Variants in ZNF343 observed in about 807,000 individuals in gnomAD.
The protein encoded by ZNF343 is zinc finger protein 343.
A neutral mutation model predicts 13.8 loss-of-function variants in ZNF343; 11 were observed. The ratio of observed to expected loss-of-function variants is 0.80; its 90% CI spans 0.50 to 1.32. The LOEUF is 1.32. ZNF343 is among the 40% of genes most tolerant of loss of function. The probability of loss-of-function intolerance (pLI) is 0.00; values close to 1 mark genes in which losing one functional copy is unlikely to be tolerated. For synonymous variants in ZNF343, 248 were observed against 260.0 expected (o/e 0.95, Z 0.44); for missense variants, 658 against 714.2 (o/e 0.92, Z 0.90).
At chr20:2,505,635 C>G (rs2085643701) in intron 1 of ZNF343, among the ~76,000 whole-genome samples, 1 of 152,136 alleles carries the variant, frequency 6.6e-6, no homozygotes, top group African/African-American at 2.4e-5. Context: ...AGAAATAATG[C>G]CGCATATCTA....
chr20:2,519,495 T>C (rs1160483078), intron 1 of ZNF343, among the ~76,000 whole-genome samples: 2 of 152,228 alleles, frequency 1.3e-5, no homozygotes, highest in East Asian at 3.8e-4. Context: ...GCCTTTAGAC[T>C]GGAACTGCAC....
At chr20:2,507,338 G>C (rs972161512) in intron 1 of ZNF343, among the ~76,000 whole-genome samples, 2 of 151,104 alleles carry the variant, frequency 1.3e-5, no homozygotes, top group African/African-American at 4.9e-5. Context: ...TCAGAGAAGA[G>C]AATAATGTAA....
chr20:2,508,688 C>G lies in ZNF343; in HGVS notation c.-237+193G>C, dbSNP rs968547120. 1.3e-5 allele frequency: 2 copies of G among 152,416 alleles called. No individual in the cohort carries two copies. Among genetic ancestry groups the G allele is most frequent in the Non-Finnish European group, 1.5e-5 (1 of 68,218 alleles). 9.4% of individuals were successfully genotyped at this position (152,416 alleles called of 1,614,324 possible). Reference sequence around the variant, plus strand: ...CCGCGGAGGTCCGGGCAAGCAGGGGCTCACCCCATCGCCTCGCCCCAATGA... The same window carrying G: ...CCGCGGAGGTCCGGGCAAGCAGGGGGTCACCCCATCGCCTCGCCCCAATGA... On this transcript the variant is annotated intron_variant, in intron 1 of 5. Transcript: ENST00000278772. The surrounding 1 kb of genome is among the most constrained non-coding windows in gnomAD (Gnocchi z 4.5).
In ZNF343 at chr20:2,492,829, C is replaced by T. The variant is rs748010219; in HGVS notation, c.178-4G>A. On this transcript the variant is annotated splice_region_variant and splice_polypyrimidine_tract_variant and intron_variant, in intron 4 of 5. Coordinates refer to ENST00000278772, the MANE Select transcript of ZNF343 (RefSeq NM_024325.6). ...CATCCCTGAATGTAACTGGTACCTA[C>T]AAACAACCAGTAAATTAATGTATAG... The T allele has an allele frequency of 4.3e-6, 7 of 1,612,632 alleles. No homozygotes were observed. Among genetic ancestry groups the T allele is most frequent in the East Asian group, 2.2e-5 (1 of 44,890 alleles).
At chr20:2,509,234 CTG>C (rs2085720932), upstream of ZNF343, 1 of 152,194 alleles carries the variant, frequency 6.6e-6, no homozygotes, top group African/African-American at 2.4e-5. Flanking sequence ...GAGCAATGCG[CTG>C]TCTGTCAGGC....
At chr20:2,522,862 G>A (rs1231199653) in intron 1 of ZNF343, among the ~76,000 whole-genome samples, 8 of 152,138 alleles carry the variant, frequency 5.3e-5, no homozygotes. Flanking sequence ...GAGGTGGGAG[G>A]ATCGCTTGAG....
chr20:2,505,025 A>C (rs1344559998), intron 1 of ZNF343, among the ~76,000 whole-genome samples: 7 of 152,230 alleles, frequency 4.6e-5, no homozygotes. Flanking sequence ...CCCTGTTTGC[A>C]GACGACAAGC....
chr20:2,505,352 T>C (rs550902159), intron 1 of ZNF343, among the ~76,000 whole-genome samples: 1 of 152,274 alleles, frequency 6.6e-6, no homozygotes, highest in South Asian at 2.1e-4. Context: ...AGAATCAATA[T>C]TGTGAAAATG....
At chr20:2,493,707 T>C (rs757204997) in intron 3 of ZNF343, 71 bp downstream of exon 3, 217 of 1,441,800 alleles carry the variant, frequency 1.5e-4, no homozygotes, top group Non-Finnish European at 2.0e-4. Context: ...AGGTGACCTC[T>C]GAAGCATTTT....
chr20:2,483,746 C>G lies in ZNF343; in HGVS notation c.1215G>C (p.Gly405=), dbSNP rs1253784394. The G allele has an allele frequency of 6.2e-7, 1 of 1,612,816 alleles. No homozygotes were observed. The highest frequency in any genetic ancestry group is 8.5e-7 in the Non-Finnish European group (1 of 1,179,766). ...ACTCCCTGCAAACATAAGGCTTCTC[C>G]CCTGAGTGTATCCTCTGGTGTTTTC... ...TLRKHQRIHS[G]EKPYVCRECG... Residue 405 remains glycine (G), a synonymous_variant, in exon 6 of 6, where the codon GGG becomes GGC. Coordinates refer to ENST00000278772, the MANE Select transcript of ZNF343 (RefSeq NM_024325.6).
Position 2,519,944 on chromosome 20 carries a change from G to T in ZNF343, c.-347+4511C>A, listed in dbSNP as rs890137934. ...GAAATTTAGAGAACAAGGTGTGATT[G>T]TAAGATTATTTTCTCTAATACTGCT... On this transcript the variant is annotated intron_variant, in intron 1 of 6. Coordinates refer to the ZNF343 transcript ENST00000358413. 6.8e-4 allele frequency among the ~76,000 whole-genome samples: 103 copies of T among 152,316 alleles called. 1 individual carries two copies. The highest frequency in any genetic ancestry group is 2.4e-3 in the African/African-American group (100 of 41,572).
At chr20:2,514,559 G>A (rs144459186) in intron 1 of ZNF343, among the ~76,000 whole-genome samples, 46 of 152,280 alleles carry the variant, frequency 3.0e-4, no homozygotes, top group African/African-American at 1.0e-3. Flanking sequence ...CCTTCTCGTT[G>A]CTAGTCAAAT....
upstream of ZNF343, among the ~76,000 whole-genome samples, chr20:2,511,117 C>CTT (rs111424405): frequency 3.2e-3 from 459 of 142,924 alleles, 3 homozygotes; most frequent in African/African-American, 0.011. Flanking sequence ...CTTTTCCTTT[C>CTT]TTTTTTTTTT....
chr20:2,504,236 A>G (rs1251895295), intron 1 of ZNF343, among the ~76,000 whole-genome samples: 1 of 152,222 alleles, frequency 6.6e-6, no homozygotes, highest in Admixed American at 6.5e-5. Flanking sequence ...TCCTGGACAC[A>G]TACACCCTCC....
At chr20:2,499,018 T>G (rs781225642) in intron 2 of ZNF343, among the ~76,000 whole-genome samples, 4 of 152,110 alleles carry the variant, frequency 2.6e-5, no homozygotes, top group Non-Finnish European at 4.4e-5. Context: ...TTTTCTATTT[T>G]TAGTAGAGAC....
intron 4 of ZNF343, 29 bp downstream of exon 4, chr20:2,493,490 G>GAAA: frequency 1.6e-6 from 2 of 1,268,228 alleles, no homozygotes; most frequent in Non-Finnish European, 2.2e-6. Context: ...AGCACTTCAG[G>GAAA]AAAAAAAAAA....
rs775388577 is a variant in ZNF343, at chr20:2,507,264, CA to C, written c.-237+1616del. ...GGGCAACAAGAGTGAAACTGTGTCT[CA>C]AAAAAAAAAAAAAAAAAAAGAGCAG... On this transcript the variant is annotated intron_variant, in intron 1 of 5. Coordinates refer to ENST00000278772, the MANE Select transcript of ZNF343 (RefSeq NM_024325.6). Among the ~76,000 whole-genome samples the C allele has an allele frequency of 5.3e-3, 308 of 57,812 alleles. 3 individuals are homozygous for C. In the East Asian group the frequency reaches 0.079, roughly 15 times the overall value. 37.9% of individuals were successfully genotyped at this position (57,812 alleles called of 152,430 possible).
chr20:2,484,633 T>C lies in ZNF343; in HGVS notation c.328A>G (p.Thr110Ala), dbSNP rs1297279022. ...SLAEPKPEIY[T>A]CSSCLLAFSC... is the part of the protein sequence containing the mutation. ...AAGGCCAGAAGGCAGGAGGAACAAGTGTAGATTTCTGGCTTTGGTTCTGCT... is the reference window on the plus strand; with the variant it reads ...AAGGCCAGAAGGCAGGAGGAACAAGCGTAGATTTCTGGCTTTGGTTCTGCT... Residue 110 changes from threonine (T) to alanine (A), a missense_variant, in exon 6 of 6, where the codon ACT becomes GCT. Transcript: ENST00000278772. 1.9e-6 allele frequency: 3 copies of C among 1,599,954 alleles called. No individual in the cohort carries two copies. Among genetic ancestry groups the C allele is most frequent in the Admixed American group, 3.4e-5 (2 of 58,142 alleles).
In ZNF343 at chr20:2,497,875, C is replaced by T. The variant is rs569775299; in HGVS notation, c.-150+2781G>A. ...ATCTGAACCCCCCGTACCCACCCGCCCCGGCTCCTTCATATGGCTCCTCCA... is the reference window on the plus strand; with the variant it reads ...ATCTGAACCCCCCGTACCCACCCGCTCCGGCTCCTTCATATGGCTCCTCCA... On this transcript the variant is annotated intron_variant, in intron 2 of 5. Coordinates refer to ENST00000278772, the MANE Select transcript of ZNF343 (RefSeq NM_024325.6). 2.6e-5 allele frequency among the ~76,000 whole-genome samples: 4 copies of T among 152,222 alleles called. No individual in the cohort carries two copies. In the South Asian group the frequency reaches 8.3e-4, roughly 32 times the overall value.
Sources: gnomAD v4.1 joint callset for allele counts (sites outside exome capture counted in the v4.1 genomes callset) on GRCh38, gnomAD v4.1.1 for gene constraint, Gnocchi (gnomAD v3.1) non-coding constraint, MANE v1.5 for transcripts, NCBI Gene and HGNC (gene_info 2026-07-23, HGNC 2026-07-21) for gene names.